Variants in CALN1 observed in about 807,000 individuals in gnomAD.
CALN1 encodes calcium-binding protein 8.
A neutral mutation model predicts 30.6 loss-of-function variants in CALN1; 17 were observed. The ratio of observed to expected loss-of-function variants is 0.56; its 90% CI spans 0.38 to 0.83. The LOEUF (loss-of-function observed/expected upper bound fraction) is 0.83. CALN1 is among the 40% of genes least tolerant of loss of function. CALN1 has a pLI of 0.00. For synonymous variants in CALN1, 156 were observed against 131.4 expected, an observed-to-expected ratio of 1.19 and a Z score of -1.28; for missense variants, 291 against 354.9, an observed-to-expected ratio of 0.82 and a Z score of 1.45.
At chr7:71,991,862 T>C (rs777501484) in intron 5 of CALN1, among the ~76,000 whole-genome samples, 12 of 152,100 alleles carry the variant, frequency 7.9e-5, no homozygotes, top group Non-Finnish European at 1.8e-4. Flanking sequence ...GATTTGATAA[T>C]AATGAGTTGT....
At chr7:72,251,875 T>C (rs192201301) in intron 3 of CALN1, among the ~76,000 whole-genome samples, 2 of 152,316 alleles carry the variant, frequency 1.3e-5, no homozygotes, top group Admixed American at 6.5e-5. Context: ...TAGAGGCACC[T>C]TCCTGCATTA....
the CALN1 span, among the ~76,000 whole-genome samples, chr7:72,478,039 C>T: frequency 8.6e-5 from 13 of 151,966 alleles, no homozygotes; most frequent in African/African-American, 3.1e-4. Flanking sequence ...GAGCCTAGCA[C>T]GTTGCTTGGA....
chr7:72,484,579 C>A, the CALN1 span, among the ~76,000 whole-genome samples: 1 of 152,080 alleles, frequency 6.6e-6, no homozygotes, highest in African/African-American at 2.4e-5. Flanking sequence ...TAATCAATAT[C>A]CAGCTGAATA....
At chr7:71,844,364 C>G (rs1790114079) in intron 5 of CALN1, among the ~76,000 whole-genome samples, 1 of 152,128 alleles carries the variant, frequency 6.6e-6, no homozygotes, top group African/African-American at 2.4e-5. Context: ...CAGGACAAAA[C>G]CAAAGTTCTA....
At chr7:71,809,464 CAAAAAA>C (rs10682965) in intron 6 of CALN1, among the ~76,000 whole-genome samples, 3 of 108,402 alleles carry the variant, frequency 2.8e-5, no homozygotes, top group South Asian at 7.1e-4. Flanking sequence ...TTTAAATGTT[CAAAAAA>C]AAAAAAAAGA....
At chr7:71,942,872 T>C (rs970300610) in intron 5 of CALN1, among the ~76,000 whole-genome samples, 1 of 152,160 alleles carries the variant, frequency 6.6e-6, no homozygotes, top group Non-Finnish European at 1.5e-5. Flanking sequence ...CCCACTGAGA[T>C]AGACGCATAT....
intron 4 of CALN1, among the ~76,000 whole-genome samples, chr7:72,093,774 C>A (rs1193755177): frequency 6.6e-6 from 1 of 152,064 alleles, no homozygotes; most frequent in African/African-American, 2.4e-5. Context: ...TTTCTTATAA[C>A]CCTGCAGGGA....
chr7:72,233,174 A>C lies in CALN1; in HGVS notation c.244+45512T>G, dbSNP rs186593334. ...TACTGTTTGACTTCTTGATACAATA[A>C]AGATCATTCTGTAAAAAGGAAAAAA... On this transcript the variant is annotated intron_variant, in intron 3 of 6. Transcript: ENST00000395275. Among the ~76,000 whole-genome samples, 694 of 151,908 alleles carry C rather than the reference A, an allele frequency of 4.6e-3. 4 individuals carry two copies. Among genetic ancestry groups the C allele is most frequent in the African/African-American group, 0.016 (669 of 41,416 alleles).
At chr7:72,433,251 A>G (rs751167928) in intron 1 of CALN1, among the ~76,000 whole-genome samples, 5 of 152,162 alleles carry the variant, frequency 3.3e-5, no homozygotes, top group Non-Finnish European at 7.3e-5. Context: ...GGACAGAAAA[A>G]TAGATTAACT....
intron 5 of CALN1, among the ~76,000 whole-genome samples, chr7:71,882,464 G>C (rs912315602): frequency 2.0e-5 from 3 of 152,148 alleles, no homozygotes; most frequent in African/African-American, 4.8e-5. Context: ...CATCTTGGAA[G>C]GGCCATGATT....
intron 4 of CALN1, among the ~76,000 whole-genome samples, chr7:72,085,652 C>A (rs111533052): frequency 0.019 from 2,948 of 152,198 alleles, 95 homozygotes; most frequent in African/African-American, 0.067. Context: ...TGTCAAGGGA[C>A]TACTTGGGGT....
chr7:72,232,333 T>G (rs1263074919), intron 3 of CALN1, among the ~76,000 whole-genome samples: 1 of 152,230 alleles, frequency 6.6e-6, no homozygotes, highest in Non-Finnish European at 1.5e-5. Context: ...ACAACTGCAT[T>G]GTACGTGATA....
chr7:71,855,165 T>C (rs562379312), intron 5 of CALN1, among the ~76,000 whole-genome samples: 1 of 152,220 alleles, frequency 6.6e-6, no homozygotes, highest in Admixed American at 6.5e-5. Flanking sequence ...AATTGAAAAA[T>C]AAATATGCAT....
At chr7:72,029,668 AT>A (rs1442289975) in intron 4 of CALN1, among the ~76,000 whole-genome samples, 1 of 152,174 alleles carries the variant, frequency 6.6e-6, no homozygotes, top group Non-Finnish European at 1.5e-5. Context: ...CTGCATAAAA[AT>A]CCCTAATGTA....
intron 3 of CALN1, among the ~76,000 whole-genome samples, chr7:72,207,835 A>G (rs1182062862): frequency 6.6e-6 from 1 of 152,170 alleles, no homozygotes; most frequent in Non-Finnish European, 1.5e-5. Context: ...CATACTTTGC[A>G]ATGCATATAT....
intron 4 of CALN1, 93 bp from the exon 5 acceptor site, chr7:72,023,862 G>A: frequency 1.3e-6 from 1 of 785,934 alleles, no homozygotes. Context: ...TTTCTTCTTG[G>A]CATGACCTCA....
intron 3 of CALN1, among the ~76,000 whole-genome samples, chr7:72,125,601 A>G (rs1187452641): frequency 4.6e-5 from 7 of 152,146 alleles, no homozygotes; most frequent in African/African-American, 9.7e-5. Context: ...AACAGGTTAC[A>G]GTGTTTTAAA....
chr7:72,404,538 G>C (rs954511760), intron 1 of CALN1, among the ~76,000 whole-genome samples: 1 of 152,188 alleles, frequency 6.6e-6, no homozygotes, highest in African/African-American at 2.4e-5. Flanking sequence ...ATCTGAGAGA[G>C]TTGTACCCAT....
intron 2 of CALN1, among the ~76,000 whole-genome samples, chr7:72,358,580 T>A (rs1803378351): frequency 6.6e-6 from 1 of 151,978 alleles, no homozygotes; most frequent in Non-Finnish European, 1.5e-5. Flanking sequence ...GACCCCAACT[T>A]CGGAGAGAGA....
Sources: gnomAD v4.1 joint callset for allele counts (sites outside exome capture counted in the v4.1 genomes callset) on GRCh38, gnomAD v4.1.1 for gene constraint, MANE v1.5 for transcripts, NCBI Gene and HGNC (gene_info 2026-07-23, HGNC 2026-07-21) for gene names.